KHDRBS2: variants seen among roughly 807,000 people sequenced by gnomAD.
The protein encoded by KHDRBS2 is KH domain-containing, RNA-binding, signal transduction-associated protein 2.
Under a neutral mutation model 44.3 loss-of-function variants are expected in KHDRBS2, and 26 were observed. That is an observed-to-expected ratio of 0.59 (90% CI 0.43 to 0.81). The LOEUF (loss-of-function observed/expected upper bound fraction) is 0.81. Ranked by LOEUF, KHDRBS2 falls within the 40% of genes least tolerant of loss-of-function variation. The pLI is 0.00. For synonymous variants in KHDRBS2, 194 were observed against 151.1 expected (o/e 1.28, Z -2.08); for missense variants, 476 against 433.1 (o/e 1.10, Z -0.88).
intron 1 of KHDRBS2, among the ~76,000 whole-genome samples, chr6:62,240,178 A>G (rs1834367845): frequency 6.6e-6 from 1 of 152,088 alleles, no homozygotes; most frequent in African/African-American, 2.4e-5. Flanking sequence ...GTTATAATCC[A>G]ATATTGGTTT....
chr6:61,546,487 A>C, the KHDRBS2 span, among the ~76,000 whole-genome samples: 1 of 152,158 alleles, frequency 6.6e-6, no homozygotes, highest in Non-Finnish European at 1.5e-5. Context: ...ACCATAGGCT[A>C]ATTTAAACAA....
At chr6:61,716,066 G>C (rs976667666) in intron 7 of KHDRBS2, among the ~76,000 whole-genome samples, 3 of 151,806 alleles carry the variant, frequency 2.0e-5, no homozygotes, top group African/African-American at 7.3e-5. Context: ...GGCTGGACTT[G>C]TGAGGTGCTT....
At chr6:61,580,811 C>T in the KHDRBS2 span, among the ~76,000 whole-genome samples, 1 of 152,162 alleles carries the variant, frequency 6.6e-6, no homozygotes, top group Admixed American at 6.5e-5. Context: ...AAGGAACAAA[C>T]TCTAGATGCA....
intron 1 of KHDRBS2, among the ~76,000 whole-genome samples, chr6:62,225,756 C>A (rs1300114844): frequency 1.4e-5 from 2 of 147,572 alleles, no homozygotes; most frequent in African/African-American, 5.0e-5. Context: ...TCTCATTGTT[C>A]AACTGCCACT....
rs199584387 is a variant in KHDRBS2, at chr6:62,126,412, AG to A, written c.219+50772del. On this transcript the variant is annotated intron_variant, in intron 2 of 8. Transcript: ENST00000281156. ...AGCATCTCTGGACCTGCCTAGGGCTAGGGAAAGTACTTTGCTAAAGAATGGA... is the reference window on the plus strand; with the variant it reads ...AGCATCTCTGGACCTGCCTAGGGCTAGGAAAGTACTTTGCTAAAGAATGGA... Among the ~76,000 whole-genome samples the A allele has an allele frequency of 7.8e-3, 1,188 of 152,330 alleles. 9 individuals are homozygous for A. Among genetic ancestry groups the A allele is most frequent in the Non-Finnish European group, 0.011 (734 of 68,022 alleles).
the KHDRBS2 span, among the ~76,000 whole-genome samples, chr6:61,616,457 A>G: frequency 1.1e-5 from 1 of 90,154 alleles, no homozygotes; most frequent in African/African-American, 4.0e-5. Context: ...TACTTTTACA[A>G]TGAAAGAATA....
In KHDRBS2 at chr6:61,736,837, G is replaced by A. The variant is rs375880489; in HGVS notation, c.811-4073C>T. Among the ~76,000 whole-genome samples, 126 of 151,942 alleles carry A rather than the reference G, an allele frequency of 8.3e-4. 1 individual carries two copies. Among genetic ancestry groups the A allele is most frequent in the African/African-American group, 2.9e-3 (122 of 41,468 alleles). The stretch of plus-strand genomic sequence containing the variant: ...ACCCTTAGTTCCCCGAATTCCAATA[G>A]CATGTTTTCTCTCATTGTTCTTAAA... On this transcript the variant is annotated intron_variant, in intron 6 of 8. Coordinates refer to ENST00000281156, the MANE Select transcript of KHDRBS2 (RefSeq NM_152688.4).
rs564498692 is a variant in KHDRBS2 at position 61,747,053 on chromosome 6, A to C, written c.811-14289T>G. On this transcript the variant is annotated intron_variant, in intron 6 of 8. Transcript: ENST00000281156. Reference sequence around the variant, plus strand: ...AAAAGAAAAAAAAAGAAAAAAAAAAACATCTAAAAGTGGACGAAGGATAAG... The same window carrying C: ...AAAAGAAAAAAAAAGAAAAAAAAAACCATCTAAAAGTGGACGAAGGATAAG... Among the ~76,000 whole-genome samples the C allele has an allele frequency of 3.6e-3, 545 of 151,432 alleles. 11 individuals are homozygous for C. The highest frequency in any genetic ancestry group is 0.032 in the Admixed American group (484 of 15,182).
At chr6:61,627,331 C>G in the KHDRBS2 span, among the ~76,000 whole-genome samples, 1 of 150,456 alleles carries the variant, frequency 6.6e-6, no homozygotes, top group African/African-American at 2.4e-5. Context: ...GCCTCCAAAC[C>G]CTTGGATTTC....
intron 1 of KHDRBS2, among the ~76,000 whole-genome samples, chr6:62,222,916 T>A (rs574802882): frequency 6.6e-6 from 1 of 152,246 alleles, no homozygotes; most frequent in East Asian, 1.9e-4. Flanking sequence ...CCTGGCTGCT[T>A]TCATGGTCTG....
chr6:62,130,331 T>C (rs1425422907), intron 2 of KHDRBS2, among the ~76,000 whole-genome samples: 1 of 152,184 alleles, frequency 6.6e-6, no homozygotes, highest in East Asian at 1.9e-4. Flanking sequence ...GTCCGCTGCA[T>C]AGTGCAGGAT....
At chr6:61,894,611 A>C (rs1395708737) in intron 6 of KHDRBS2, 24 bp downstream of exon 6, 1 of 1,590,078 alleles carries the variant, frequency 6.3e-7, no homozygotes, top group Admixed American at 1.7e-5. Context: ...TCATCCTTAC[A>C]ACTTATTTCT....
rs562651683 is a variant in KHDRBS2 at position 61,955,651 on chromosome 6, T to C, written c.483+22415A>G. On this transcript the variant is annotated intron_variant, in intron 4 of 8. Coordinates refer to ENST00000281156, the MANE Select transcript of KHDRBS2 (RefSeq NM_152688.4). ...ACATGTGTATATACACGTATGTATGTATGCATATATGTGTATATGTACACA... is the reference window on the plus strand; with the variant it reads ...ACATGTGTATATACACGTATGTATGCATGCATATATGTGTATATGTACACA... Among the ~76,000 whole-genome samples, 31 of 147,288 alleles carry C rather than the reference T, an allele frequency of 2.1e-4. 2 individuals carry two copies. The South Asian group carries it at 3.7e-3, about 17-fold the overall frequency.
chr6:61,855,246 TG>T (rs1051329839), intron 6 of KHDRBS2, among the ~76,000 whole-genome samples: 30 of 152,130 alleles, frequency 2.0e-4, no homozygotes, highest in African/African-American at 7.0e-4. Flanking sequence ...AACATCATAA[TG>T]CTGTTAGGAT....
chr6:61,721,383 T>C (rs1033089971), intron 7 of KHDRBS2, among the ~76,000 whole-genome samples: 112 of 152,100 alleles, frequency 7.4e-4, no homozygotes, highest in Non-Finnish European at 1.4e-3. Context: ...ATGGCCATTT[T>C]CACGATATTG....
At chr6:61,910,993 T>C (rs1470675154) in intron 4 of KHDRBS2, among the ~76,000 whole-genome samples, 1 of 152,200 alleles carries the variant, frequency 6.6e-6, no homozygotes, top group African/African-American at 2.4e-5. Context: ...TTTAAAAGTA[T>C]ATAAAATGAA....
intron 6 of KHDRBS2, among the ~76,000 whole-genome samples, chr6:61,798,021 C>A (rs1455245074): frequency 6.6e-6 from 1 of 151,948 alleles, no homozygotes; most frequent in Non-Finnish European, 1.5e-5. Context: ...CCTCCTCCCA[C>A]CTTCTCCTCT....
intron 2 of KHDRBS2, among the ~76,000 whole-genome samples, chr6:62,071,933 G>C (rs1283146177): frequency 6.6e-6 from 1 of 152,238 alleles, no homozygotes; most frequent in South Asian, 2.1e-4. Context: ...ACCTTGGACA[G>C]TATGGCCATT....
At chr6:62,150,337 T>C (rs1157227309) in intron 2 of KHDRBS2, among the ~76,000 whole-genome samples, 4 of 151,572 alleles carry the variant, frequency 2.6e-5, no homozygotes, top group Admixed American at 2.6e-4. Flanking sequence ...GTAGCATACA[T>C]GGTCTTGCTT....
Sources: allele counts gnomAD v4.1 joint callset (sites outside exome capture counted in the v4.1 genomes callset), GRCh38; gene constraint gnomAD v4.1.1; transcripts MANE v1.5; gene names NCBI Gene and HGNC (gene_info 2026-07-23, HGNC 2026-07-21).